Variants in DNMT3L observed in about 807,000 individuals in gnomAD.
The protein encoded by DNMT3L is DNA (cytosine-5)-methyltransferase 3-like.
A neutral mutation model predicts 36.2 loss-of-function variants in DNMT3L; 33 were observed. That is an observed-to-expected ratio of 0.91 (90% CI 0.69 to 1.22). The LOEUF is 1.22. Ranked by LOEUF, DNMT3L falls within the 50% of genes most tolerant of loss-of-function variation. DNMT3L has a pLI of 0.00. For missense variants in DNMT3L, 310 were observed against 303.1 expected, an observed-to-expected ratio of 1.02 and a Z score of -0.17; for synonymous variants, 117 against 121.7, an observed-to-expected ratio of 0.96 and a Z score of 0.26.
intron 1 of DNMT3L, 114 bp downstream of exon 1, chr21:44,261,626 C>G: frequency 4.3e-6 from 1 of 231,956 alleles, no homozygotes; most frequent in Non-Finnish European, 8.6e-6. Flanking sequence ...CTCAGGGACT[C>G]CCATGCCCCA....
intron 7 of DNMT3L, among the ~76,000 whole-genome samples, 160 bp from the exon 8 acceptor site, chr21:44,254,865 G>A (rs571672413): frequency 6.6e-5 from 10 of 152,200 alleles, no homozygotes; most frequent in South Asian, 4.2e-4. Context: ...TCCCTCTGTC[G>A]CCCAGGCTGG....
intron 7 of DNMT3L, among the ~76,000 whole-genome samples, chr21:44,255,187 A>G (rs2040247448): frequency 6.6e-6 from 1 of 152,166 alleles, no homozygotes; most frequent in South Asian, 2.1e-4. Context: ...TTGTCTCACA[A>G]CAAGCTAAAC....
intron 2 of DNMT3L, 120 bp downstream of exon 2, chr21:44,261,034 T>C: frequency 7.1e-7 from 1 of 1,409,386 alleles, no homozygotes; most frequent in South Asian, 1.3e-5. Flanking sequence ...GGGAACCTCC[T>C]GCCCCAGCCC....
intron 6 of DNMT3L, among the ~76,000 whole-genome samples, chr21:44,257,688 A>T (rs1222205991): frequency 1.9e-5 from 1 of 51,302 alleles, no homozygotes; most frequent in South Asian, 5.7e-4. Flanking sequence ...CTCAAAAAAA[A>T]AAAAAAAATA....
rs767918184 is a variant in DNMT3L at position 44,254,784 on chromosome 21, C to T, written c.605-79G>A. ...ACAGGGACTCGAAAAGGCTGACGGA[C>T]GATCAGAGGACCCTCCTACCATTAA... On this transcript the variant is annotated intron_variant, in intron 7 of 11. Coordinates refer to ENST00000628202, the MANE Select transcript of DNMT3L (RefSeq NM_175867.3). The T allele has an allele frequency of 1.4e-4, 199 of 1,407,288 alleles. 3 individuals carry two copies. Among genetic ancestry groups the T allele is most frequent in the South Asian group, 1.1e-3 (86 of 81,746 alleles). 87.2% of individuals were successfully genotyped at this position (1,407,288 alleles called of 1,614,324 possible).
rs1340631844 is a variant in DNMT3L at position 44,254,571 on chromosome 21, AC to A, written c.693+45del. The A allele has an allele frequency of 1.9e-6, 3 of 1,597,580 alleles. No homozygotes were observed. In the Admixed American group the frequency reaches 5.1e-5, roughly 27 times the overall value. On this transcript the variant is annotated intron_variant, in intron 8 of 11. Transcript: ENST00000628202. ...TGGCATTTCCTCTGAGGAAGCTCGC[AC>A]CCCCGCTCCCACTACAGTGTCTGAG...
intron 2 of DNMT3L, 23 bp downstream of exon 2, chr21:44,261,131 C>T (rs747289286): frequency 1.2e-6 from 2 of 1,610,720 alleles, no homozygotes; most frequent in South Asian, 1.1e-5. Flanking sequence ...AGTGACTGGT[C>T]CAATAAGCAG....
intron 8 of DNMT3L, among the ~76,000 whole-genome samples, chr21:44,253,493 G>A (rs2040235025): frequency 6.6e-6 from 1 of 152,106 alleles, no homozygotes; most frequent in South Asian, 2.1e-4. Context: ...AAGGCGGGTG[G>A]ATCACCTGAG....
intron 1 of DNMT3L, 107 bp downstream of exon 1, chr21:44,261,633 C>T (rs2040320344): frequency 8.8e-6 from 2 of 228,322 alleles, no homozygotes; most frequent in South Asian, 6.4e-5. Context: ...ACTCCCATGC[C>T]CCAGCCTCCT....
chr21:44,260,537 C>T (rs770470951), intron 3 of DNMT3L, among the ~76,000 whole-genome samples: 5 of 152,196 alleles, frequency 3.3e-5, no homozygotes, highest in African/African-American at 4.8e-5. Flanking sequence ...ACTGCAGCCT[C>T]GACCTCCCCA....
chr21:44,254,631 T>A lies in DNMT3L; in HGVS notation c.679A>T (p.Thr227Ser). Reference sequence around the variant, plus strand: ...GCGGTACTCACATCCTTCCTCACTGTGTCTGTGACATCAACCACATGCTTC... The same window carrying A: ...GCGGTACTCACATCCTTCCTCACTGAGTCTGTGACATCAACCACATGCTTC... ...QLKHVVDVTD[T>S]VRKDVEEWGP... The change falls in exon 8 of 12, where the codon ACA becomes TCA. Residue 227 changes from threonine to serine, a missense_variant. Physicochemically the swap from Thr to Ser is moderately conservative, Grantham distance 58. Coordinates refer to ENST00000628202, the MANE Select transcript of DNMT3L (RefSeq NM_175867.3). 1.2e-6 allele frequency: 2 copies of A among 1,613,990 alleles called. No homozygotes were observed. The highest frequency in any genetic ancestry group is 1.7e-6 in the Non-Finnish European group (2 of 1,179,962).
At chr21:44,257,689 AAAAAAAAT>A (rs2040273077) in intron 6 of DNMT3L, among the ~76,000 whole-genome samples, 1 of 58,296 alleles carries the variant, frequency 1.7e-5, no homozygotes. Context: ...TCAAAAAAAA[AAAAAAAAT>A]AAATAAATAA....
chr21:44,254,252 C>T (rs993632579), intron 8 of DNMT3L, among the ~76,000 whole-genome samples: 5 of 152,214 alleles, frequency 3.3e-5, no homozygotes, highest in South Asian at 2.1e-4. Context: ...CCCTCCTTGC[C>T]GGACAGCGCC....
intron 3 of DNMT3L, 118 bp downstream of exon 3, chr21:44,260,677 C>CA: frequency 2.2e-6 from 3 of 1,386,734 alleles, no homozygotes; most frequent in Non-Finnish European, 3.1e-6. Context: ...AGGCTGGTCT[C>CA]AAACTCCTGG....
rs147122270 is a variant in DNMT3L at position 44,255,158 on chromosome 21, G to A, written c.605-453C>T. 1.8e-3 allele frequency among the ~76,000 whole-genome samples: 269 copies of A among 152,254 alleles called. 1 individual carries two copies. The highest frequency in any genetic ancestry group is 5.0e-4 in the Non-Finnish European group (34 of 68,032). ...TTATCTTTTTAATGACGTGGCAGGA[G>A]GATTAAGGATGGAGGTTTTTGTCTC... is the stretch of plus-strand genomic sequence containing the variant. On this transcript the variant is annotated intron_variant, in intron 7 of 11. Coordinates refer to ENST00000628202, the MANE Select transcript of DNMT3L (RefSeq NM_175867.3).
At chr21:44,261,307 A>C (rs748634100) in intron 1 of DNMT3L, 41 bp from the exon 2 acceptor site, 1 of 1,591,554 alleles carries the variant, frequency 6.3e-7, no homozygotes, top group Non-Finnish European at 8.6e-7. Flanking sequence ...GAAAGCCGTC[A>C]GCCCCTGCTC....
chr21:44,255,319 A>C (rs1601950236), intron 7 of DNMT3L, among the ~76,000 whole-genome samples: 2 of 151,738 alleles, frequency 1.3e-5, no homozygotes, highest in East Asian at 3.9e-4. Flanking sequence ...TCAGGAGTTC[A>C]AGACCAGCCT....
Position 44,258,450 on chromosome 21 carries a change from C to T in DNMT3L, c.516+73G>A. ...TGCCCGTCGGCGCGCCTGCATTCTG[C>T]AGCGGGAACCGAGGGAAGGCCGTAA... is the stretch of plus-strand genomic sequence containing the variant. On this transcript the variant is annotated intron_variant, in intron 6 of 11. Transcript: ENST00000628202. This position sits in a 1 kb window ranked among gnomAD's most constrained non-coding sequence, Gnocchi z 6.2. The T allele has an allele frequency of 3.4e-6, 5 of 1,470,184 alleles. No homozygotes were observed. In the South Asian group the frequency reaches 6.9e-5, roughly 20 times the overall value. 91.1% of individuals were successfully genotyped at this position (1,470,184 alleles called of 1,614,324 possible).
rs1035882850 is a variant in DNMT3L at position 44,258,797 on chromosome 21, C to T, written c.345-103G>A. 1.2e-5 allele frequency: 18 copies of T among 1,448,248 alleles called. No individual in the cohort carries two copies. Among genetic ancestry groups the T allele is most frequent in the African/African-American group, 5.7e-5 (4 of 70,496 alleles). 89.7% of individuals were successfully genotyped at this position (1,448,248 alleles called of 1,614,324 possible). On this transcript the variant is annotated intron_variant, in intron 5 of 11. Transcript: ENST00000628202. The surrounding 1 kb of genome is among the most constrained non-coding windows in gnomAD (Gnocchi z 6.2). ...AGCCTTGTTTTGGAGGGAAAAGTCA[C>T]GCTGGAGCTCCCTTTGGGAAGACCA...
Sources: allele counts gnomAD v4.1 joint callset (sites outside exome capture counted in the v4.1 genomes callset), GRCh38; gene constraint gnomAD v4.1.1; non-coding constraint Gnocchi (gnomAD v3.1); transcripts MANE v1.5; gene names NCBI Gene and HGNC (gene_info 2026-07-23, HGNC 2026-07-21).